Variants in SFI1 observed in about 807,000 individuals in gnomAD.
The protein encoded by SFI1 is SFI1 centrin binding protein.
SFI1 carries 195 observed loss-of-function variants against 207.5 expected under a neutral mutation model. The observed-to-expected ratio is 0.94, with a 90% CI of 0.84 to 1.06. SFI1 has a LOEUF of 1.06. Ranked by LOEUF, SFI1 falls within the 50% of genes least tolerant of loss-of-function variation. SFI1 has a pLI of 0.00. For missense variants in SFI1, 1,634 were observed against 1,588.0 expected, an observed-to-expected ratio of 1.03 and a Z score of -0.49; for synonymous variants, 630 against 598.9, an observed-to-expected ratio of 1.05 and a Z score of -0.76.
At chr22:31,604,776 T>C (rs2068687606) in intron 19 of SFI1, 93 bp from the exon 20 acceptor site, 1 of 1,181,488 alleles carries the variant, frequency 8.5e-7, no homozygotes, top group Non-Finnish European at 1.2e-6. Flanking sequence ...TCTCTGGGCA[T>C]GGCAGCCTTG....
At chr22:31,533,732 C>T (rs2058730742) in intron 4 of SFI1, among the ~76,000 whole-genome samples, 1 of 152,154 alleles carries the variant, frequency 6.6e-6, no homozygotes, top group African/African-American at 2.4e-5. Flanking sequence ...GGCATGTCAT[C>T]CTTCACTGCC....
intron 8 of SFI1, among the ~76,000 whole-genome samples, chr22:31,563,859 T>G (rs1260424002): frequency 2.0e-5 from 3 of 151,262 alleles, no homozygotes; most frequent in African/African-American, 7.3e-5. Flanking sequence ...AGTGCTGGGA[T>G]TACAGGGGTG....
chr22:31,573,095 A>C lies in SFI1; in HGVS notation c.803A>C (p.Gln268Pro). ...SQWREQLLYVQKEKQKVVSAV... is the reference protein window; with the variant it reads ...SQWREQLLYVPKEKQKVVSAV... The stretch of plus-strand genomic sequence containing the variant: ...TGGCGGGAACAGCTCCTGTATGTCC[A>C]GAAGGAGAAACAAAAGGTTGTCTCT... The change falls in exon 9 of 33, where the codon CAG (glutamine) becomes CCG (proline). Residue 268 changes from glutamine (Q) to proline (P), a missense_variant. Coordinates refer to ENST00000400288, the MANE Select transcript of SFI1 (RefSeq NM_001007467.3). 1.2e-6 allele frequency: 2 copies of C among 1,612,742 alleles called. No individual in the cohort carries two copies. The highest frequency in any genetic ancestry group is 1.7e-6 in the Non-Finnish European group (2 of 1,179,760).
intron 4 of SFI1, among the ~76,000 whole-genome samples, chr22:31,534,257 T>C (rs2058774132): frequency 1.3e-5 from 2 of 152,204 alleles, no homozygotes; most frequent in Non-Finnish European, 2.9e-5. Context: ...CCTCCCAAAG[T>C]GCTGGGATTA....
At chr22:31,574,860 C>T (rs1463966817) in intron 9 of SFI1, among the ~76,000 whole-genome samples, 1 of 151,988 alleles carries the variant, frequency 6.6e-6, no homozygotes, top group Non-Finnish European at 1.5e-5. Flanking sequence ...AGTTCGAGAC[C>T]AGCTTGGCTA....
intron 24 of SFI1, chr22:31,612,784 A>G (rs2070589528): frequency 8.5e-6 from 2 of 235,796 alleles, no homozygotes; most frequent in Admixed American, 1.0e-4. Flanking sequence ...CTTTGCTGGG[A>G]TCTTGCTTTT....
chr22:31,533,556 T>C (rs1225477498), intron 4 of SFI1, among the ~76,000 whole-genome samples: 2 of 143,288 alleles, frequency 1.4e-5, no homozygotes, highest in East Asian at 4.1e-4. Flanking sequence ...TGGTGTGGCC[T>C]TCAGCTTCAA....
At chr22:31,575,623 C>G (rs2063398667) in intron 10 of SFI1, among the ~76,000 whole-genome samples, 1 of 152,132 alleles carries the variant, frequency 6.6e-6, no homozygotes, top group Admixed American at 6.5e-5. Context: ...TCTTATCACC[C>G]AACTTTCAAA....
chr22:31,585,023 GT>G, intron 13 of SFI1, 44 bp from the exon 14 acceptor site: 1 of 1,591,580 alleles, frequency 6.3e-7, no homozygotes. Context: ...TTAAAACAAA[GT>G]TTTAAAAACT....
intron 4 of SFI1, among the ~76,000 whole-genome samples, chr22:31,546,443 G>T (rs990022947): frequency 2.6e-5 from 4 of 151,840 alleles, no homozygotes; most frequent in African/African-American, 9.7e-5. Flanking sequence ...CAATTCTCCT[G>T]CCTCAGCCTC....
At chr22:31,603,498 CAGTT>C (rs2068467849) in intron 17 of SFI1, among the ~76,000 whole-genome samples, 1 of 152,202 alleles carries the variant, frequency 6.6e-6, no homozygotes, top group Admixed American at 6.5e-5. Context: ...ACCAGTTTCT[CAGTT>C]GGGGGCTTCA....
At chr22:31,580,682 A>G (rs935793351) in intron 12 of SFI1, among the ~76,000 whole-genome samples, 8 of 151,404 alleles carry the variant, frequency 5.3e-5, no homozygotes, top group Non-Finnish European at 7.4e-5. Flanking sequence ...AGCTGGGATT[A>G]CAGGCATGCG....
intron 21 of SFI1, among the ~76,000 whole-genome samples, chr22:31,607,278 T>C: frequency 6.6e-6 from 1 of 152,144 alleles, no homozygotes; most frequent in East Asian, 1.9e-4. Flanking sequence ...TACAAAAGAA[T>C]GTATACGACG....
intron 24 of SFI1, chr22:31,612,398 A>AAAAAAAATATATATATATATATAT (rs1556369798): frequency 1.7e-5 from 1 of 60,194 alleles, no homozygotes; most frequent in African/African-American, 6.7e-5. Context: ...AAAAAAAAAA[A>AAAAAAAATATATATATATATATAT]ATATATATAT....
chr22:31,580,691 C>T (rs892941629), intron 12 of SFI1, among the ~76,000 whole-genome samples: 3 of 151,818 alleles, frequency 2.0e-5, no homozygotes, highest in South Asian at 4.2e-4. Context: ...TACAGGCATG[C>T]GCCACTACAC....
intron 11 of SFI1, among the ~76,000 whole-genome samples, chr22:31,578,711 C>T (rs901389069): frequency 6.6e-6 from 1 of 152,136 alleles, no homozygotes; most frequent in Non-Finnish European, 1.5e-5. Context: ...CATGGTAAAA[C>T]CCCTTTTGAG....
rs141791845 is a variant in SFI1, at chr22:31,501,092, C to T, written c.-31+4455C>T. Among the ~76,000 whole-genome samples, 1,159 of 151,786 alleles carry T rather than the reference C, an allele frequency of 7.6e-3. 12 individuals carry two copies. The highest frequency in any genetic ancestry group is 0.012 in the Non-Finnish European group (796 of 67,948). Reference sequence around the variant, plus strand: ...GATTACAGGTGTGAGCCACTGTGCCCGGCCAAATATTTTTAAATTAAGGTA... The same window carrying T: ...GATTACAGGTGTGAGCCACTGTGCCTGGCCAAATATTTTTAAATTAAGGTA... On this transcript the variant is annotated intron_variant, in intron 1 of 32. Coordinates refer to ENST00000400288, the MANE Select transcript of SFI1 (RefSeq NM_001007467.3).
intron 12 of SFI1, among the ~76,000 whole-genome samples, chr22:31,582,855 T>G (rs915464736): frequency 2.0e-5 from 3 of 152,194 alleles, no homozygotes; most frequent in Non-Finnish European, 4.4e-5. Context: ...TAATGTATAC[T>G]TTTTAAAATG....
chr22:31,504,594 C>A (rs2054332613), intron 1 of SFI1, among the ~76,000 whole-genome samples: 1 of 152,128 alleles, frequency 6.6e-6, no homozygotes, highest in African/African-American at 2.4e-5. Context: ...GCTGCTGTAA[C>A]AAAGTACCAC....
Sources: allele counts gnomAD v4.1 joint callset (sites outside exome capture counted in the v4.1 genomes callset), GRCh38; gene constraint gnomAD v4.1.1; transcripts MANE v1.5; gene names NCBI Gene and HGNC (gene_info 2026-07-23, HGNC 2026-07-21).